The following DOCK6 variants were observed in gnomAD, a reference collection of about 807,000 sequenced individuals.
The protein encoded by DOCK6 is dedicator of cytokinesis 6, also known as dedicator of cytokinesis protein 6.
DOCK6 carries 167 observed loss-of-function variants against 230.3 expected under a neutral mutation model. The observed-to-expected ratio is 0.73, with a 90% CI of 0.64 to 0.82. DOCK6 has a LOEUF of 0.82. DOCK6 is among the 40% of genes least tolerant of loss of function. The pLI is 0.00. For missense variants in DOCK6, 2,598 were observed against 2,825.8 expected (o/e 0.92, Z 1.83); for synonymous variants, 1,148 against 1,185.0 (o/e 0.97, Z 0.64).
In DOCK6 at chr19:11,227,464, G is replaced by T; in HGVS notation, c.2828C>A (p.Ala943Glu). Residue 943 changes from alanine (A) to glutamate (E), a missense_variant, in exon 24 of 48, where the codon GCG becomes GAG. Transcript: ENST00000294618. ...FFFQLMVKSMALHLLLGQRLD... is the reference protein window; with the variant it reads ...FFFQLMVKSMELHLLLGQRLD... ...TCGCTGGCCAAGCAGCAGGTGCAGC[G>T]CCATACTCTTCACCTGGGGGTGGGG... The T allele has an allele frequency of 6.3e-7, 1 of 1,588,276 alleles. No homozygotes were observed.
rs79846490 is a variant in DOCK6, at chr19:11,201,209, G to A, written c.5689-157C>T. Among the ~76,000 whole-genome samples, 1 of 152,024 alleles carries A rather than the reference G, an allele frequency of 6.6e-6. No individual in the cohort carries two copies. Among genetic ancestry groups the A allele is most frequent in the African/African-American group, 2.4e-5 (1 of 41,388 alleles). ...GGCCTTCCTGGGTCTGACTCTGGGG[G>A]GGTCCAGCCTTGGGTCTGCTGGGTC... On this transcript the variant is annotated intron_variant, in intron 44 of 47. Transcript: ENST00000294618. The surrounding 1 kb of genome is among the most constrained non-coding windows in gnomAD (Gnocchi z 4.3).
At chr19:11,238,020 G>T in intron 16 of DOCK6, 25 bp downstream of exon 16, 3 of 1,613,018 alleles carry the variant, frequency 1.9e-6, no homozygotes, top group Non-Finnish European at 2.5e-6. Context: ...GTGCCCCCAA[G>T]TTCCTCACGT....
Position 11,237,763 on chromosome 19 carries a change from C to T in DOCK6, c.1849G>A (p.Glu617Lys), listed in dbSNP as rs367747093. Residue 617 changes from glutamate to lysine, a missense_variant, in exon 17 of 48, where the codon GAG becomes AAG. Physicochemically the swap from Glu to Lys is moderately conservative, Grantham distance 56 (BLOSUM62 1). Transcript: ENST00000294618. ...VYHNKSPEFY[E>K]EFKLHLPACV... ...GCTGGAAGATGCAGCTTGAACTCCT[C>T]GTAGAACTCGGGGGACCTGGCAGAA... 47 of 1,569,580 alleles carry T rather than the reference C, an allele frequency of 3.0e-5. No homozygotes were observed. In the African/African-American group the frequency reaches 5.0e-4, roughly 17 times the overall value.
In DOCK6 at chr19:11,202,799, GGA is replaced by G; in HGVS notation, c.5236-92_5236-91del. On this transcript the variant is annotated intron_variant, in intron 41 of 47. Coordinates refer to ENST00000294618, the MANE Select transcript of DOCK6 (RefSeq NM_020812.4). The surrounding 1 kb of genome is among the most constrained non-coding windows in gnomAD (Gnocchi z 5.3). ...GATAGGTGTCTCGAATATCAGGATG[GGA>G]GTGTGAGGACCCCGAGAACATCAGG... 2 of 1,592,648 alleles carry G rather than the reference GGA, an allele frequency of 1.3e-6. No homozygotes were observed. Among genetic ancestry groups the G allele is most frequent in the Non-Finnish European group, 1.7e-6 (2 of 1,173,722 alleles).
rs1169742151 is a variant in DOCK6, at chr19:11,235,742, C to T, written c.2410G>A (p.Ala804Thr). ...ACTACATGGGCCATTGCTTCAAAGG[C>T]TCCACGGCCCAGGTTCACTGCAGGG... ...SGQIVNLGRG[A>T]FEAMAHVVSL... Residue 804 changes from alanine (A) to threonine (T), a missense_variant, in exon 21 of 48, where the codon GCC becomes ACC. Physicochemically the swap from Ala to Thr is moderately conservative, Grantham distance 58. Coordinates refer to ENST00000294618, the MANE Select transcript of DOCK6 (RefSeq NM_020812.4). The T allele has an allele frequency of 3.8e-6, 6 of 1,594,164 alleles. No individual in the cohort carries two copies. The highest frequency in any genetic ancestry group is 1.7e-4 in the Middle Eastern group (1 of 6,040).
chr19:11,257,262 G>C (rs576342677), intron 1 of DOCK6, among the ~76,000 whole-genome samples: 2 of 148,852 alleles, frequency 1.3e-5, no homozygotes, highest in Admixed American at 1.4e-4. Flanking sequence ...CTCCTAAAGT[G>C]CTGGGATTAC....
rs2079795328 is a variant in DOCK6 at position 11,233,218 on chromosome 19, G to T, written c.2703C>A (p.Arg901=). The part of the protein sequence containing the change: ...APGSVDDEVS[R]ILASKLLHEE... ...GTTGCCCTACCTTGCTGGCCAGGATGCGGGAAACCTCGTCATCCACAGAGC... is the reference window on the plus strand; with the variant it reads ...GTTGCCCTACCTTGCTGGCCAGGATTCGGGAAACCTCGTCATCCACAGAGC... The change falls in exon 22 of 48, where the codon CGC becomes CGA. Residue 901 remains arginine (R), a synonymous_variant. Coordinates refer to ENST00000294618, the MANE Select transcript of DOCK6 (RefSeq NM_020812.4). The T allele has an allele frequency of 6.2e-7, 1 of 1,613,418 alleles. No homozygotes were observed. The highest frequency in any genetic ancestry group is 1.3e-5 in the African/African-American group (1 of 74,918).
In DOCK6 at chr19:11,200,183, C is replaced by G; in HGVS notation, c.6101+125G>C. The G allele has an allele frequency of 4.2e-6, 4 of 942,458 alleles. No homozygotes were observed. The highest frequency in any genetic ancestry group is 2.2e-5 in the South Asian group (1 of 44,822). 58.4% of individuals were successfully genotyped at this position (942,458 alleles called of 1,614,324 possible). A position where few individuals can be genotyped will look rare whatever the true frequency, so the allele number is the denominator to read the frequency against. On this transcript the variant is annotated intron_variant, in intron 47 of 47. Coordinates refer to ENST00000294618, the MANE Select transcript of DOCK6 (RefSeq NM_020812.4). The surrounding 1 kb of genome is among the most constrained non-coding windows in gnomAD (Gnocchi z 4.3). ...AACAAAAAAAAAACCGGAAACAAAA[C>G]AAAGTCCAAGCTACCAGCAAACATG... is the stretch of plus-strand genomic sequence containing the variant.
rs756965986 is a variant in DOCK6, at chr19:11,259,556, C to CTTTTTTTT, written c.44+2833_44+2840dup. 1.4e-3 allele frequency among the ~76,000 whole-genome samples: 147 copies of CTTTTTTTT among 103,662 alleles called. 2 individuals carry two copies. Among genetic ancestry groups the CTTTTTTTT allele is most frequent in the Non-Finnish European group, 1.7e-3 (91 of 53,200 alleles). 68.0% of individuals were successfully genotyped at this position (103,662 alleles called of 152,430 possible). A position where few individuals can be genotyped will look rare whatever the true frequency, so the allele number is the denominator to read the frequency against. On this transcript the variant is annotated intron_variant, in intron 1 of 47. Transcript: ENST00000294618. The stretch of plus-strand genomic sequence containing the variant: ...CCTCCAATGAATCATTATTTCTTTT[C>CTTTTTTTT]TTTTTTTTTTTTTTTTTTTGAGATG...
In DOCK6 at chr19:11,262,382, C is replaced by T; in HGVS notation, c.44+15G>A. ...CACGTGGGGGAGGTGGGAGGGGGCC[C>T]CGCGGCCACACTACCTGTTGATCTT... On this transcript the variant is annotated intron_variant, in intron 1 of 47. Coordinates refer to ENST00000294618, the MANE Select transcript of DOCK6 (RefSeq NM_020812.4). 7.8e-7 allele frequency: 1 copy of T among 1,278,864 alleles called. No individual in the cohort carries two copies. Among genetic ancestry groups the T allele is most frequent in the Non-Finnish European group, 9.9e-7 (1 of 1,011,370 alleles). 79.2% of individuals were successfully genotyped at this position (1,278,864 alleles called of 1,614,324 possible).
In DOCK6 at chr19:11,215,375, G is replaced by T. The variant is rs1181843332; in HGVS notation, c.4106+12C>A. ...TTCTGAACTCAGCAGACACCCTCCT[G>T]CCCACACCTACTTGTCCACGCGGTC... On this transcript the variant is annotated intron_variant, in intron 32 of 47. Transcript: ENST00000294618. 6.2e-7 allele frequency: 1 copy of T among 1,612,248 alleles called. No homozygotes were observed. Among genetic ancestry groups the T allele is most frequent in the Admixed American group, 1.7e-5 (1 of 59,966 alleles).
Position 11,238,199 on chromosome 19 carries a change from G to C in DOCK6, c.1749C>G (p.Ser583Arg). Residue 583 changes from serine (S) to arginine (R), a missense_variant, in exon 15 of 48, where the codon AGC becomes AGG. Ser to Arg is a moderately radical substitution (Grantham distance 110). Transcript: ENST00000294618. ...RVQYMTGEDPSQALPVIFGKS... is the reference protein window; with the variant it reads ...RVQYMTGEDPRQALPVIFGKS... ...CACAGCCACTGACCGGCAGAGCCTGGCTGGGGTCCTCGCCTGTCATGTACT... is the reference window on the plus strand; with the variant it reads ...CACAGCCACTGACCGGCAGAGCCTGCCTGGGGTCCTCGCCTGTCATGTACT... 1.9e-6 allele frequency: 3 copies of C among 1,613,720 alleles called. No individual in the cohort carries two copies. Among genetic ancestry groups the C allele is most frequent in the Non-Finnish European group, 2.5e-6 (3 of 1,179,678 alleles).
chr19:11,253,011 G>A, intron 2 of DOCK6, 53 bp from the exon 3 acceptor site: 1 of 1,535,976 alleles, frequency 6.5e-7, no homozygotes, highest in Non-Finnish European at 8.8e-7. Flanking sequence ...CTGAGAGTGG[G>A]GGCACGAGGC....
chr19:11,209,053 T>C lies in DOCK6; in HGVS notation c.4802A>G (p.Gln1601Arg). ...GSPDLRLTWLQNMAGKHAELG... is the reference protein window; with the variant it reads ...GSPDLRLTWLRNMAGKHAELG... ...CTCCGCGTGCTTCCCGGCCATGTTCTGCAACCAGGTCAGCCGAAGGTCCGG... is the reference window on the plus strand; with the variant it reads ...CTCCGCGTGCTTCCCGGCCATGTTCCGCAACCAGGTCAGCCGAAGGTCCGG... The change falls in exon 38 of 48, where the codon CAG (glutamine) becomes CGG (arginine). Residue 1601 changes from glutamine (Q) to arginine (R), a missense_variant. Physicochemically the swap from Gln to Arg is conservative, Grantham distance 43 (BLOSUM62 1). Transcript: ENST00000294618. The C allele has an allele frequency of 1.2e-6, 2 of 1,612,424 alleles. No homozygotes were observed. Among genetic ancestry groups the C allele is most frequent in the South Asian group, 2.2e-5 (2 of 91,018 alleles).
At chr19:11,241,284 G>A (rs1375254396) in intron 14 of DOCK6, among the ~76,000 whole-genome samples, 1 of 151,974 alleles carries the variant, frequency 6.6e-6, no homozygotes, top group Non-Finnish European at 1.5e-5. Context: ...TCCCCATGAA[G>A]TGAGTCCTAT....
Position 11,243,325 on chromosome 19 carries a change from C to T in DOCK6, c.1319G>A (p.Gly440Glu), listed in dbSNP as rs1304053533. 1.3e-6 allele frequency: 2 copies of T among 1,599,368 alleles called. No individual in the cohort carries two copies. The highest frequency in any genetic ancestry group is 1.1e-5 in the South Asian group (1 of 88,696). Reference sequence around the variant, plus strand: ...GCCAGAGAAGCTGCAGGCGTCGTCCCCACTACTCGCCCGGTCCTGGGGCCC... The same window carrying T: ...GCCAGAGAAGCTGCAGGCGTCGTCCTCACTACTCGCCCGGTCCTGGGGCCC... ...RRGPQDRASS[G>E]DDACSFSGFR... The change falls in exon 12 of 48, where the codon GGG (glycine) becomes GAG (glutamate). Residue 440 changes from glycine (G) to glutamate (E), a missense_variant. By Grantham distance (98) the Gly-to-Glu change is moderately conservative. Coordinates refer to ENST00000294618, the MANE Select transcript of DOCK6 (RefSeq NM_020812.4). This position sits in a 1 kb window ranked among gnomAD's most constrained non-coding sequence, Gnocchi z 6.3.
In DOCK6 at chr19:11,200,840, C is replaced by T; in HGVS notation, c.5833-18G>A. 6.2e-7 allele frequency: 1 copy of T among 1,612,918 alleles called. No homozygotes were observed. The highest frequency in any genetic ancestry group is 8.5e-7 in the Non-Finnish European group (1 of 1,179,024). ...AGGGGACCCTGTGGGGTGAGAGGGA[C>T]TGGTGAGCCAGCCTGCATGGCACCT... On this transcript the variant is annotated intron_variant, in intron 45 of 47. Transcript: ENST00000294618. This position sits in a 1 kb window ranked among gnomAD's most constrained non-coding sequence, Gnocchi z 4.3.
chr19:11,242,233 C>A (rs781605421), intron 13 of DOCK6, 26 bp from the exon 14 acceptor site: 1 of 1,432,710 alleles, frequency 7.0e-7, no homozygotes, highest in Non-Finnish European at 9.1e-7. Context: ...CCGGTTTGCA[C>A]CTGCCTGGGA....
Position 11,248,472 on chromosome 19 carries a change from G to A in DOCK6, c.721-321C>T, listed in dbSNP as rs1376062345. ...GTCACCCATGCTGGAGTGCAGTGGT[G>A]TGATCTTGGCTCACTGCAACCTCTG... On this transcript the variant is annotated intron_variant, in intron 6 of 47. Transcript: ENST00000294618. Among the ~76,000 whole-genome samples, 4 of 151,720 alleles carry A rather than the reference G, an allele frequency of 2.6e-5. No individual in the cohort carries two copies. In the East Asian group the frequency reaches 5.8e-4, roughly 22 times the overall value.
Sources: allele counts gnomAD v4.1 joint callset (sites outside exome capture counted in the v4.1 genomes callset), GRCh38; gene constraint gnomAD v4.1.1; non-coding constraint Gnocchi (gnomAD v3.1); transcripts MANE v1.5; gene names NCBI Gene and HGNC (gene_info 2026-07-23, HGNC 2026-07-21).